The following ATP7A variants were observed in gnomAD, a reference collection of about 807,000 sequenced individuals.
The protein encoded by ATP7A is ATPase copper transporting alpha.
Under a neutral mutation model 83.5 loss-of-function variants are expected in ATP7A, and 7 were observed. The ratio of observed to expected loss-of-function variants is 0.08; its 90% CI spans 0.05 to 0.16. ATP7A has a LOEUF of 0.16. Among genes scored for constraint, ATP7A ranks in the 10% least tolerant of loss-of-function variants. ATP7A has a pLI of 1.00. For missense variants in ATP7A, 940 were observed against 1,120.8 expected, an observed-to-expected ratio of 0.84 and a Z score of 2.30; for synonymous variants, 354 against 395.2, an observed-to-expected ratio of 0.90 and a Z score of 1.24.
At chrX:77,983,464 C>T (rs1258505198) in intron 2 of ATP7A, among the ~76,000 whole-genome samples, 1 of 111,803 alleles carries the variant, frequency 8.9e-6, no homozygotes, top group Non-Finnish European at 1.9e-5. Flanking sequence ...TCATGTTTGA[C>T]ATTTCAAGAG....
Position 78,048,790 on chromosome X carries a change from A to G in ATP7A, c.*2220A>G, listed in dbSNP as rs188413446. ...TTCCAGTGGCCCATCTTATAATACA[A>G]CTTGTTTCTTCTAGAAGACAGAGCT... is the stretch of plus-strand genomic sequence containing the variant. On this transcript the variant is annotated 3_prime_UTR_variant, in exon 23 of 23. Transcript: ENST00000341514. The G allele has an allele frequency of 9.0e-6, 1 of 111,204 alleles. No individual in the cohort carries two copies. The highest frequency in any genetic ancestry group is 1.9e-5 in the Non-Finnish European group (1 of 53,054). 9.2% of individuals were successfully genotyped at this position (111,204 alleles called of 1,213,427 possible).
chrX:78,021,481 C>T (rs1159393552), intron 14 of ATP7A, among the ~76,000 whole-genome samples: 1 of 111,441 alleles, frequency 9.0e-6, no homozygotes, highest in Admixed American at 9.6e-5. Flanking sequence ...TAATAATACC[C>T]ATTTTGTGTA....
At chrX:78,023,315 C>A (rs1220139861) in intron 14 of ATP7A, among the ~76,000 whole-genome samples, 1 of 112,081 alleles carries the variant, frequency 8.9e-6, no homozygotes, top group Non-Finnish European at 1.9e-5. Flanking sequence ...GGGTAGATAT[C>A]CAGTAGTGGG....
chrX:77,919,738 T>C (rs1227893995), intron 1 of ATP7A, among the ~76,000 whole-genome samples: 1 of 112,636 alleles, frequency 8.9e-6, no homozygotes, highest in African/African-American at 3.2e-5. Flanking sequence ...TCCACCCGCC[T>C]TGGCCTCCCA....
chrX:77,981,033 G>T (rs782025395), intron 2 of ATP7A, among the ~76,000 whole-genome samples: 10 of 112,081 alleles, frequency 8.9e-5, no homozygotes, highest in Non-Finnish European at 1.7e-4. Flanking sequence ...TCTAAAAATG[G>T]AAGCATACTA....
At chrX:77,959,212 T>C (rs1341716057) in intron 1 of ATP7A, among the ~76,000 whole-genome samples, 1 of 111,478 alleles carries the variant, frequency 9.0e-6, no homozygotes, top group Non-Finnish European at 1.9e-5. Context: ...TATTAGCATA[T>C]AGAAACACTA....
chrX:78,033,100 G>T (rs1409623153), intron 16 of ATP7A, among the ~76,000 whole-genome samples: 1 of 111,974 alleles, frequency 8.9e-6, no homozygotes, highest in Non-Finnish European at 1.9e-5. Context: ...TTAAAACAAA[G>T]ATTTTTTTTT....
At chrX:77,911,559 A>ATT (rs76893610) in intron 1 of ATP7A, among the ~76,000 whole-genome samples, 2 of 82,117 alleles carry the variant, frequency 2.4e-5, no homozygotes. Context: ...GAGGTTATTA[A>ATT]TTTTTTTTTT....
At chrX:78,010,535 C>A (rs2077812288) in intron 7 of ATP7A, among the ~76,000 whole-genome samples, 1 of 103,282 alleles carries the variant, frequency 9.7e-6, no homozygotes, top group African/African-American at 3.6e-5. Context: ...ACTGCATATG[C>A]AAGGCCTTGA....
intron 4 of ATP7A, among the ~76,000 whole-genome samples, chrX:77,995,028 G>T (rs782563731): frequency 2.7e-5 from 3 of 111,820 alleles, no homozygotes; most frequent in East Asian, 2.8e-4. Flanking sequence ...CACCATAAAA[G>T]AATTGATAGA....
intron 1 of ATP7A, among the ~76,000 whole-genome samples, chrX:77,951,780 C>T (rs2077415009): frequency 9.0e-6 from 1 of 111,500 alleles, no homozygotes; most frequent in Non-Finnish European, 1.9e-5. Context: ...CGGGTTTCGC[C>T]ATGTTGGCCA....
At chrX:77,980,102 C>T (rs2149078183) in intron 2 of ATP7A, among the ~76,000 whole-genome samples, 1 of 112,389 alleles carries the variant, frequency 8.9e-6, no homozygotes, top group East Asian at 2.8e-4. Context: ...GCCTTATTAA[C>T]AAATTAGTTT....
intron 1 of ATP7A, among the ~76,000 whole-genome samples, chrX:77,947,015 A>G (rs1367108445): frequency 1.8e-5 from 2 of 112,078 alleles, no homozygotes; most frequent in African/African-American, 6.5e-5. Flanking sequence ...AATGTCCATC[A>G]ACAGATGAAT....
At chrX:77,966,624 G>T (rs187926956) in intron 1 of ATP7A, among the ~76,000 whole-genome samples, 1 of 111,775 alleles carries the variant, frequency 8.9e-6, no homozygotes, top group Admixed American at 9.5e-5. Context: ...TTTGCCAGGG[G>T]CTGTGAGTAG....
At chrX:77,945,171 A>ATGTTT (rs1238133041) in intron 1 of ATP7A, among the ~76,000 whole-genome samples, 7 of 106,213 alleles carry the variant, frequency 6.6e-5, no homozygotes, top group African/African-American at 1.4e-4. Context: ...ATGTTATTTA[A>ATGTTT]TGTTTTGTTT....
intron 1 of ATP7A, among the ~76,000 whole-genome samples, chrX:77,956,761 T>TTC (rs2077445054): frequency 9.8e-6 from 1 of 101,752 alleles, no homozygotes; most frequent in African/African-American, 3.6e-5. Context: ...CTTTCTTTCT[T>TTC]TCTTTCTTTC....
intron 5 of ATP7A, among the ~76,000 whole-genome samples, chrX:77,998,963 A>T (rs182465876): frequency 9.1e-6 from 1 of 110,461 alleles, no homozygotes; most frequent in Non-Finnish European, 1.9e-5. Context: ...TTTTTTATAG[A>T]TCAATCATGG....
chrX:78,049,526 A>T lies in ATP7A; in HGVS notation c.*2956A>T, dbSNP rs186394214. ...CAAAGATGCCTTTTGAATTTCAAAGATTAAAACACAGCTAGAGTAGTAGTA... is the reference window on the plus strand; with the variant it reads ...CAAAGATGCCTTTTGAATTTCAAAGTTTAAAACACAGCTAGAGTAGTAGTA... On this transcript the variant is annotated 3_prime_UTR_variant, in exon 23 of 23. Coordinates refer to ENST00000341514, the MANE Select transcript of ATP7A (RefSeq NM_000052.7). 13 of 112,619 alleles carry T rather than the reference A, an allele frequency of 1.2e-4. No individual in the cohort carries two copies. Among genetic ancestry groups the T allele is most frequent in the African/African-American group, 3.9e-4 (12 of 31,053 alleles). The allele number at this position is 112,619 out of a possible 1,213,427, so 9.3% of individuals were successfully genotyped here. A position where few individuals can be genotyped will look rare whatever the true frequency, so the allele number is the denominator to read the frequency against.
chrX:78,042,927 G>A, intron 20 of ATP7A, 139 bp downstream of exon 20: 1 of 744,525 alleles, frequency 1.3e-6, no homozygotes, highest in Non-Finnish European at 2.1e-6. Context: ...AATATGGAGT[G>A]GGATTATGGG....
Sources: allele counts gnomAD v4.1 joint callset (sites outside exome capture counted in the v4.1 genomes callset), GRCh38; gene constraint gnomAD v4.1.1; transcripts MANE v1.5; gene names NCBI Gene and HGNC (gene_info 2026-07-23, HGNC 2026-07-21).